The following FOXP4 variants were observed in gnomAD, a reference collection of about 807,000 sequenced individuals.
FOXP4 encodes the protein forkhead box protein P4.
FOXP4 carries 25 observed loss-of-function variants against 82.6 expected under a neutral mutation model. The observed-to-expected ratio is 0.30, with a 90% CI of 0.22 to 0.42. FOXP4 has a LOEUF of 0.42. FOXP4 is among the 10% of genes least tolerant of loss of function. The pLI is 1.00. For missense variants in FOXP4, 785 were observed against 900.9 expected, an observed-to-expected ratio of 0.87 and a Z score of 1.65; for synonymous variants, 415 against 388.2, an observed-to-expected ratio of 1.07 and a Z score of -0.81.
intron 1 of FOXP4, among the ~76,000 whole-genome samples, chr6:41,563,656 A>G (rs1764715389): frequency 6.6e-6 from 1 of 152,094 alleles, no homozygotes; most frequent in African/African-American, 2.4e-5. Flanking sequence ...CACCCTTACA[A>G]TTATGGTGGG....
chr6:41,553,924 A>G (rs530938566), intron 1 of FOXP4, among the ~76,000 whole-genome samples: 1 of 152,276 alleles, frequency 6.6e-6, no homozygotes, highest in Non-Finnish European at 1.5e-5. Context: ...TTTCAAGGAC[A>G]CTTGGAAGCC....
intron 1 of FOXP4, among the ~76,000 whole-genome samples, chr6:41,550,647 A>G (rs1173099521): frequency 6.6e-6 from 1 of 152,192 alleles, no homozygotes; most frequent in Non-Finnish European, 1.5e-5. Flanking sequence ...CTTCCTCCAT[A>G]AGCTTGGCCT....
At chr6:41,587,554 G>C (rs374970122) in intron 7 of FOXP4, 42 bp downstream of exon 7, 59 of 1,480,674 alleles carry the variant, frequency 4.0e-5, no homozygotes, top group Non-Finnish European at 5.2e-5. Context: ...AGGCCTGCCT[G>C]GGGGTAGACC....
intron 3 of FOXP4, among the ~76,000 whole-genome samples, chr6:41,583,423 T>A (rs1581761362): frequency 6.6e-6 from 1 of 151,910 alleles, no homozygotes; most frequent in African/African-American, 2.4e-5. Flanking sequence ...TGGGAGAGGG[T>A]CCCCTGAGGA....
intron 3 of FOXP4, among the ~76,000 whole-genome samples, chr6:41,581,310 T>C (rs1158156416): frequency 6.6e-6 from 1 of 152,168 alleles, no homozygotes; most frequent in Non-Finnish European, 1.5e-5. Context: ...TCGTTCCCAC[T>C]CTCAGCCCTC....
At chr6:41,564,440 TAATTA>T (rs1562015652) in intron 1 of FOXP4, among the ~76,000 whole-genome samples, 1 of 152,110 alleles carries the variant, frequency 6.6e-6, no homozygotes, top group South Asian at 2.1e-4. Context: ...ATGAATAAAT[TAATTA>T]AATTAAATTT....
chr6:41,552,494 T>C (rs753318212), intron 1 of FOXP4, among the ~76,000 whole-genome samples: 2 of 152,176 alleles, frequency 1.3e-5, no homozygotes, highest in African/African-American at 2.4e-5. Context: ...GCCTCTGAGC[T>C]TTCTTTCCCA....
At position 41,591,177 on chromosome 6, in the gene FOXP4, C is replaced by T. The variant is rs939148127; in HGVS notation, c.1435-44C>T. On this transcript the variant is annotated intron_variant, in intron 12 of 16. Coordinates refer to ENST00000307972, the MANE Select transcript of FOXP4 (RefSeq NM_001012426.2). This position sits in a 1 kb window ranked among gnomAD's most constrained non-coding sequence, Gnocchi z 4.2. ...GAGGGAACCCAGGGCTGTGACCCTT[C>T]GAGGCCCAGGCTGACGGTCCCTTTG... 2.6e-6 allele frequency: 4 copies of T among 1,533,348 alleles called. No individual in the cohort carries two copies. Among genetic ancestry groups the T allele is most frequent in the Middle Eastern group, 1.7e-4 (1 of 5,948 alleles). 95.0% of individuals were successfully genotyped at this position (1,533,348 alleles called of 1,614,324 possible).
intron 13 of FOXP4, among the ~76,000 whole-genome samples, chr6:41,592,475 AGCAGG>A (rs1766578116): frequency 1.3e-5 from 2 of 152,178 alleles, no homozygotes. Flanking sequence ...TTTCTGAGCC[AGCAGG>A]GCTTGCTTGG....
Position 41,599,282 on chromosome 6 carries a change from T to C in FOXP4, c.*346T>C, listed in dbSNP as rs1175682717. ...CTCCCCACAGGGCCCCTCAGCATCATGGAGACCCGCAGGCGGGGCTTAGCC... is the reference window on the plus strand; with the variant it reads ...CTCCCCACAGGGCCCCTCAGCATCACGGAGACCCGCAGGCGGGGCTTAGCC... On this transcript the variant is annotated 3_prime_UTR_variant, in exon 17 of 17. Transcript: ENST00000307972. 5.1e-6 allele frequency: 1 copy of C among 194,282 alleles called. No homozygotes were observed. The highest frequency in any genetic ancestry group is 1.1e-5 in the Non-Finnish European group (1 of 94,150). 12.0% of individuals were successfully genotyped at this position (194,282 alleles called of 1,614,324 possible).
chr6:41,588,655 C>A lies in FOXP4; in HGVS notation c.989C>A (p.Thr330Lys). ...DLGQFIKHLN[T>K]EHALDDRSTA... The stretch of plus-strand genomic sequence containing the variant: ...TCTTCCCCTTGAAGACACCTCAACA[C>A]AGAGCACGCCCTGGATGACCGGAGT... The change falls in exon 9 of 17, where the codon ACA becomes AAA. Residue 330 changes from threonine (T) to lysine (K), a missense_variant. This residue lies in a region of FOXP4 where 570 missense variants were observed against 634.0 expected (regional missense o/e 0.90). Transcript: ENST00000307972. 6.2e-7 allele frequency: 1 copy of A among 1,614,148 alleles called. No individual in the cohort carries two copies. Among genetic ancestry groups the A allele is most frequent in the Non-Finnish European group, 8.5e-7 (1 of 1,180,026 alleles).
In FOXP4 at chr6:41,578,000, C is replaced by T. The variant is rs765866352; in HGVS notation, c.219C>T (p.Ala73=). 1.2e-6 allele frequency: 2 copies of T among 1,612,540 alleles called. No homozygotes were observed. The highest frequency in any genetic ancestry group is 1.7e-6 in the Non-Finnish European group (2 of 1,179,962). ...HFQQQQALQV[A]RQFLLQQASG... is the part of the protein sequence containing the mutation. The stretch of plus-strand genomic sequence containing the variant: ...CTGTCTTGCAGGCTCTCCAAGTGGC[C>T]CGGCAGTTCCTGCTGCAGCAGGCCT... The change falls in exon 3 of 17, where the codon GCC becomes GCT. Residue 73 remains alanine (A), a synonymous_variant. Transcript: ENST00000307972.
rs899362072 is a variant in FOXP4, at chr6:41,601,890, G to A, written c.*2954G>A. 1 of 152,194 alleles carries A rather than the reference G, an allele frequency of 6.6e-6. No individual in the cohort carries two copies. The highest frequency in any genetic ancestry group is 1.5e-5 in the Non-Finnish European group (1 of 68,050). 9.4% of individuals were successfully genotyped at this position (152,194 alleles called of 1,614,324 possible). ...GAGTGTATTTGGGGAGCAGGGGAGG[G>A]GAGGGTGTTGAGAAAGCTGAACTGG... On this transcript the variant is annotated 3_prime_UTR_variant, in exon 17 of 17. Transcript: ENST00000307972.
intron 7 of FOXP4, 136 bp downstream of exon 7, chr6:41,587,648 C>A (rs963592430): frequency 2.2e-6 from 2 of 899,292 alleles, no homozygotes; most frequent in Non-Finnish European, 3.4e-6. Context: ...ACTCCCTCTC[C>A]CGGGGTGTAC....
At chr6:41,566,200 A>G (rs1235299007) in intron 2 of FOXP4, among the ~76,000 whole-genome samples, 1 of 152,212 alleles carries the variant, frequency 6.6e-6, no homozygotes, top group African/African-American at 2.4e-5. Flanking sequence ...GTCTGAGATC[A>G]TGAAGCTTGA....
chr6:41,588,876 C>T (rs1766325437), intron 9 of FOXP4, 145 bp downstream of exon 9: 2 of 895,244 alleles, frequency 2.2e-6, no homozygotes, highest in South Asian at 3.1e-5. Context: ...TTTCTAGGTC[C>T]TAATGACCAT....
chr6:41,561,702 G>A (rs911486276), intron 1 of FOXP4, among the ~76,000 whole-genome samples: 4 of 152,164 alleles, frequency 2.6e-5, no homozygotes, highest in African/African-American at 9.7e-5. Context: ...AAAGGGACCC[G>A]GCTGTGACTC....
intron 1 of FOXP4, among the ~76,000 whole-genome samples, chr6:41,551,877 G>A (rs1160717945): frequency 6.6e-6 from 1 of 152,166 alleles, no homozygotes; most frequent in East Asian, 1.9e-4. Flanking sequence ...CCAGGCTGGT[G>A]AAGGGCAGCA....
At chr6:41,589,878 C>T (rs752197410) in intron 10 of FOXP4, 24 bp downstream of exon 10, 1 of 1,611,230 alleles carries the variant, frequency 6.2e-7, no homozygotes, top group Non-Finnish European at 8.5e-7. Flanking sequence ...CCCTCCCCGC[C>T]CCTCCCAGAG....
Sources: gnomAD v4.1 joint callset for allele counts (sites outside exome capture counted in the v4.1 genomes callset) on GRCh38, gnomAD v4.1.1 for gene constraint, gnomAD v4.1.1 regional missense constraint, Gnocchi (gnomAD v3.1) non-coding constraint, MANE v1.5 for transcripts, NCBI Gene and HGNC (gene_info 2026-07-23, HGNC 2026-07-21) for gene names.